Variants in MMP16 observed in about 807,000 individuals in gnomAD.
MMP16 encodes matrix metalloproteinase-16.
MMP16 carries 12 observed loss-of-function variants against 67.8 expected under a neutral mutation model. That is an observed-to-expected ratio of 0.18 (90% CI 0.11 to 0.29). The LOEUF is 0.29. Ranked by LOEUF, MMP16 falls within the 10% of genes least tolerant of loss-of-function variation. The pLI is 1.00. For synonymous variants in MMP16, 249 were observed against 255.9 expected, an observed-to-expected ratio of 0.97 and a Z score of 0.26; for missense variants, 475 against 765.7, an observed-to-expected ratio of 0.62 and a Z score of 4.48.
At chr8:88,201,722 AT>A in intron 1 of MMP16, among the ~76,000 whole-genome samples, 1 of 152,240 alleles carries the variant, frequency 6.6e-6, no homozygotes, top group Admixed American at 6.5e-5. Flanking sequence ...ATTAATTTCC[AT>A]TTTTCAGTAT....
intron 1 of MMP16, among the ~76,000 whole-genome samples, chr8:88,202,890 A>G (rs561126903): frequency 6.6e-6 from 1 of 152,258 alleles, no homozygotes; most frequent in African/African-American, 2.4e-5. Flanking sequence ...AGCCAAGTGA[A>G]GAGAAATGCT....
intron 6 of MMP16, among the ~76,000 whole-genome samples, chr8:88,101,691 T>G: frequency 6.6e-6 from 1 of 151,922 alleles, no homozygotes; most frequent in Admixed American, 6.6e-5. Context: ...CATTTAATTC[T>G]CCATAAAAAT....
At chr8:88,214,295 T>C (rs753673912) in intron 1 of MMP16, among the ~76,000 whole-genome samples, 7 of 152,178 alleles carry the variant, frequency 4.6e-5, no homozygotes, top group Admixed American at 1.3e-4. Flanking sequence ...CAGTCTTCTG[T>C]TATTTATATA....
chr8:88,269,604 A>C (rs1395288831), intron 1 of MMP16, among the ~76,000 whole-genome samples: 1 of 152,174 alleles, frequency 6.6e-6, no homozygotes, highest in East Asian at 1.9e-4. Flanking sequence ...GTTACTATAC[A>C]ACAGAAGACT....
chr8:88,284,253 C>T (rs1810788013), intron 1 of MMP16, among the ~76,000 whole-genome samples: 1 of 152,220 alleles, frequency 6.6e-6, no homozygotes, highest in African/African-American at 2.4e-5. Context: ...ACAAATGATG[C>T]TGTTTATGTA....
chr8:88,147,727 T>A (rs1808317370), intron 4 of MMP16, among the ~76,000 whole-genome samples: 1 of 151,878 alleles, frequency 6.6e-6, no homozygotes, highest in Non-Finnish European at 1.5e-5. Context: ...TATCTGTTGG[T>A]TTGGAAAAAT....
intron 7 of MMP16, among the ~76,000 whole-genome samples, chr8:88,074,326 G>C (rs1808609134): frequency 6.6e-6 from 1 of 152,074 alleles, no homozygotes; most frequent in Admixed American, 6.6e-5. Flanking sequence ...AGTCAGTGCA[G>C]AAATGGCTAT....
intron 1 of MMP16, among the ~76,000 whole-genome samples, chr8:88,265,109 C>T (rs551183021): frequency 5.3e-5 from 8 of 152,068 alleles, no homozygotes; most frequent in East Asian, 1.9e-4. Flanking sequence ...AATCCTTTTA[C>T]GTTACTGCAG....
rs767844816 is a variant in MMP16, at chr8:88,056,121, T to C, written c.1373+7A>G. ...AACTGTTTTTCTCATGAGAAGTGTA[T>C]ACTGACCTGTCTCCCTTGAAGAAAT... On this transcript the variant is annotated splice_region_variant and intron_variant, in intron 8 of 9. Transcript: ENST00000286614. 7 of 1,533,508 alleles carry C rather than the reference T, an allele frequency of 4.6e-6. No homozygotes were observed. Among genetic ancestry groups the C allele is most frequent in the Non-Finnish European group, 6.2e-6 (7 of 1,134,348 alleles). 95.0% of individuals were successfully genotyped at this position (1,533,508 alleles called of 1,614,324 possible).
At chr8:88,261,503 A>G (rs1810388129) in intron 1 of MMP16, among the ~76,000 whole-genome samples, 1 of 152,028 alleles carries the variant, frequency 6.6e-6, no homozygotes, top group Admixed American at 6.6e-5. Flanking sequence ...ACCATACTTA[A>G]TAGTATAATC....
rs146089947 is a variant in MMP16 at position 88,306,502 on chromosome 8, T to G, written c.132+20573A>C. ...CAAAGAAAACTTCAGGCCAATATCC[T>G]TGATGAACATGGATGTAAAAATCCT... On this transcript the variant is annotated intron_variant, in intron 1 of 9. Coordinates refer to ENST00000286614, the MANE Select transcript of MMP16 (RefSeq NM_005941.5). 4.7e-3 allele frequency among the ~76,000 whole-genome samples: 717 copies of G among 152,232 alleles called. 7 individuals are homozygous for G. Among genetic ancestry groups the G allele is most frequent in the African/African-American group, 0.016 (681 of 41,558 alleles).
intron 4 of MMP16, among the ~76,000 whole-genome samples, chr8:88,140,799 TAAAAAG>T (rs1456313545): frequency 6.6e-6 from 1 of 152,222 alleles, no homozygotes; most frequent in East Asian, 1.9e-4. Flanking sequence ...TCAAAATTTG[TAAAAAG>T]AAAATAGATA....
intron 6 of MMP16, among the ~76,000 whole-genome samples, chr8:88,115,605 TAGAC>T (rs1265680871): frequency 1.3e-5 from 2 of 152,078 alleles, no homozygotes; most frequent in African/African-American, 2.4e-5. Context: ...GAAAATTACA[TAGAC>T]AGTATGTAAG....
chr8:88,156,615 A>T (rs894064226), intron 4 of MMP16, among the ~76,000 whole-genome samples: 3 of 152,142 alleles, frequency 2.0e-5, no homozygotes, highest in African/African-American at 7.2e-5. Flanking sequence ...CTGCAAAAAA[A>T]AGTTACAAAA....
chr8:88,143,288 A>G (rs1808241414), intron 4 of MMP16, among the ~76,000 whole-genome samples: 1 of 152,102 alleles, frequency 6.6e-6, no homozygotes. Context: ...AATTTAGGTT[A>G]GTTAAGATTA....
intron 1 of MMP16, among the ~76,000 whole-genome samples, chr8:88,241,886 A>G (rs1810039414): frequency 6.6e-6 from 1 of 152,148 alleles, no homozygotes; most frequent in South Asian, 2.1e-4. Flanking sequence ...AAAATATACC[A>G]TAAATTATTA....
At chr8:88,259,843 T>A (rs985281738) in intron 1 of MMP16, among the ~76,000 whole-genome samples, 4 of 152,186 alleles carry the variant, frequency 2.6e-5, no homozygotes, top group African/African-American at 9.6e-5. Flanking sequence ...GCCTCACGCA[T>A]CAATGTCAAT....
intron 4 of MMP16, among the ~76,000 whole-genome samples, chr8:88,154,882 A>C (rs534309427): frequency 6.7e-6 from 1 of 148,892 alleles, no homozygotes; most frequent in South Asian, 2.1e-4. Context: ...AAAAAAAAAG[A>C]AAAAAAAAAG....
intron 1 of MMP16, among the ~76,000 whole-genome samples, chr8:88,281,066 T>C (rs998272565): frequency 2.0e-5 from 3 of 152,146 alleles, no homozygotes; most frequent in South Asian, 2.1e-4. Flanking sequence ...CAGAAAGTCA[T>C]AAACACAGCA....
Sources: gnomAD v4.1 joint callset for allele counts (sites outside exome capture counted in the v4.1 genomes callset) on GRCh38, gnomAD v4.1.1 for gene constraint, MANE v1.5 for transcripts, NCBI Gene and HGNC (gene_info 2026-07-23, HGNC 2026-07-21) for gene names.